Variants in STIL observed in about 807,000 individuals in gnomAD.
The protein encoded by STIL is SCL-interrupting locus protein.
In STIL, 55 loss-of-function variants were observed where a neutral mutation model predicts 110.1. That is an observed-to-expected ratio of 0.50 (90% confidence interval 0.40 to 0.63). The LOEUF (loss-of-function observed/expected upper bound fraction) is 0.63, where lower values mean the gene tolerates loss of function less well. Ranked by LOEUF, STIL falls within the 20% of genes least tolerant of loss-of-function variation. STIL has a pLI of 0.00. For synonymous variants in STIL, 481 were observed against 530.0 expected (o/e 0.91, Z 1.27); for missense variants, 1,358 against 1,530.0 (o/e 0.89, Z 1.87).
intron 11 of STIL, among the ~76,000 whole-genome samples, chr1:47,282,019 T>C (rs1645167940): frequency 6.6e-6 from 1 of 152,204 alleles, no homozygotes; most frequent in South Asian, 2.1e-4. Flanking sequence ...CCTCCTGAAA[T>C]AGAATCCCAG....
chr1:47,287,104 C>T lies in STIL; in HGVS notation c.1133+447G>A, dbSNP rs572571602. Among the ~76,000 whole-genome samples, 26 of 152,032 alleles carry T rather than the reference C, an allele frequency of 1.7e-4. No individual in the cohort carries two copies. The East Asian group carries it at 3.5e-3, about 21-fold the overall frequency. On this transcript the variant is annotated intron_variant, in intron 10 of 16. Coordinates refer to ENST00000371877, the MANE Select transcript of STIL (RefSeq NM_001048166.1). ...AGGGTTGGGGACGATGGTTCACACA[C>T]GTGATCCCAGCACTTTGGGAGGCCA...
intron 1 of STIL, 147 bp from the exon 2 acceptor site, chr1:47,310,509 T>G: frequency 1.8e-6 from 1 of 554,012 alleles, no homozygotes; most frequent in Non-Finnish European, 3.2e-6. Flanking sequence ...TTGTAGATTC[T>G]GCCAATCATT....
intron 14 of STIL, among the ~76,000 whole-genome samples, chr1:47,265,450 A>C (rs906192762): frequency 1.3e-5 from 2 of 151,512 alleles, no homozygotes; most frequent in Non-Finnish European, 2.9e-5. Flanking sequence ...GGAACCAGAC[A>C]CTGGGTCAAA....
At chr1:47,299,219 C>T (rs377121621) in intron 6 of STIL, among the ~76,000 whole-genome samples, 317 of 151,460 alleles carry the variant, frequency 2.1e-3, no homozygotes, top group African/African-American at 7.3e-3. Flanking sequence ...TAGTGGCATG[C>T]ACCTGTAATC....
At chr1:47,273,567 T>C (rs1262471121) in intron 12 of STIL, among the ~76,000 whole-genome samples, 2 of 152,258 alleles carry the variant, frequency 1.3e-5, no homozygotes, top group East Asian at 1.9e-4. Context: ...TTCCCTTGTA[T>C]GGATATATCA....
chr1:47,263,189 A>G (rs1408289393), intron 14 of STIL, 73 bp from the exon 15 acceptor site: 1 of 1,401,630 alleles, frequency 7.1e-7, no homozygotes, highest in African/African-American at 1.4e-5. Flanking sequence ...AACTTTAGAA[A>G]AAAGGGTTAA....
rs755308408 is a variant in STIL, at chr1:47,299,971, G to A, written c.635C>T (p.Thr212Ile). The A allele has an allele frequency of 5.0e-6, 8 of 1,614,010 alleles. No individual in the cohort carries two copies. The highest frequency in any genetic ancestry group is 1.3e-5 in the African/African-American group (1 of 74,922). The change falls in exon 6 of 17, where the codon ACA becomes ATA. Residue 212 changes from threonine (T) to isoleucine (I), a missense_variant. Thr to Ile is a moderately conservative substitution (Grantham distance 89, BLOSUM62 -1). Transcript: ENST00000371877. ...TPVKPIPIIP[T>I]ALARNLSSNL... is the part of the protein sequence containing the mutation. ...ACTGCTCAAGTTTCTTGCCAGAGCT[G>A]TTGGAATAATGGGGATGGGCTTCAC...
chr1:47,290,293 T>C (rs1442936146), intron 8 of STIL, among the ~76,000 whole-genome samples: 2 of 152,138 alleles, frequency 1.3e-5, no homozygotes, highest in African/African-American at 2.4e-5. Context: ...GGGAAAAATA[T>C]TGTTAAACTT....
chr1:47,295,482 AAGC>A (rs1453106282), intron 7 of STIL, among the ~76,000 whole-genome samples: 2 of 152,078 alleles, frequency 1.3e-5, no homozygotes, highest in African/African-American at 4.8e-5. Flanking sequence ...TAGGAGGCTG[AAGC>A]ACGAGAATCA....
At position 47,280,516 on chromosome 1, in the gene STIL, A is replaced by C. The variant is rs773321708; in HGVS notation, c.1942T>G (p.Cys648Gly). 9 of 1,614,148 alleles carry C rather than the reference A, an allele frequency of 5.6e-6. No homozygotes were observed. Among genetic ancestry groups the C allele is most frequent in the Non-Finnish European group, 5.9e-6 (7 of 1,180,062 alleles). ...QKHSLFHPSGCPALYCNAFCS... is the reference protein window; with the variant it reads ...QKHSLFHPSGGPALYCNAFCS... ...AATGCATTACAGTACAGGGCTGGAC[A>C]TCCACTTGGGTGAAATAATGAATGC... Residue 648 changes from cysteine to glycine, a missense_variant, in exon 12 of 17, where the codon TGT becomes GGT. Transcript: ENST00000371877.
intron 1 of STIL, among the ~76,000 whole-genome samples, chr1:47,312,062 G>A (rs1461732217): frequency 6.6e-6 from 1 of 152,058 alleles, no homozygotes; most frequent in African/African-American, 2.4e-5. Flanking sequence ...TGTGAAGCAA[G>A]ATAAAGGAGA....
chr1:47,261,627 C>T (rs929511861), intron 15 of STIL, among the ~76,000 whole-genome samples: 1 of 151,954 alleles, frequency 6.6e-6, no homozygotes, highest in South Asian at 2.1e-4. Context: ...GTGGTCCCAG[C>T]TACTTGAAAG....
rs1215549262 is a variant in STIL, at chr1:47,270,251, TATATACACAC to T, written c.2384-395_2384-386del. Among the ~76,000 whole-genome samples, 46 of 119,216 alleles carry T rather than the reference TATATACACAC, an allele frequency of 3.9e-4. No individual in the cohort carries two copies. In the South Asian group the frequency reaches 8.8e-3, roughly 23 times the overall value. The allele number at this position is 119,216 out of a possible 152,430, so 78.2% of individuals were successfully genotyped here. A position where few individuals can be genotyped will look rare whatever the true frequency, so the allele number is the denominator to read the frequency against. ...TCAAAAAAAAAAAAAAATATATATATATATACACACACACACACACACACACACACACACA... is the reference window on the plus strand; with the variant it reads ...TCAAAAAAAAAAAAAAATATATATATACACACACACACACACACACACACA... On this transcript the variant is annotated intron_variant, in intron 13 of 16. Coordinates refer to ENST00000371877, the MANE Select transcript of STIL (RefSeq NM_001048166.1).
At chr1:47,282,205 G>T in intron 11 of STIL, 140 bp downstream of exon 11, 1 of 628,680 alleles carries the variant, frequency 1.6e-6, no homozygotes, top group Non-Finnish European at 2.8e-6. Context: ...TCTATATATA[G>T]ATATAACCAT....
rs1356059668 is a variant in STIL, at chr1:47,268,512, T to C, written c.2615+1123A>G. 2.6e-5 allele frequency among the ~76,000 whole-genome samples: 4 copies of C among 152,188 alleles called. No homozygotes were observed. In the East Asian group the frequency reaches 7.7e-4, roughly 29 times the overall value. ...GCTCATGCCTGTAATTCCAGCACTT[T>C]AGGAGGTCAAGGTGGGTGGATCACC... On this transcript the variant is annotated intron_variant, in intron 14 of 16. Transcript: ENST00000371877.
At chr1:47,288,871 A>G (rs1482942281) in intron 9 of STIL, among the ~76,000 whole-genome samples, 2 of 138,504 alleles carry the variant, frequency 1.4e-5, no homozygotes, top group Non-Finnish European at 3.1e-5. Flanking sequence ...ACATGGTGAA[A>G]CTCCCTCTCT....
chr1:47,288,764 T>A (rs891560672), intron 9 of STIL, among the ~76,000 whole-genome samples: 1 of 150,904 alleles, frequency 6.6e-6, no homozygotes, highest in East Asian at 1.9e-4. Context: ...AATACAGTCA[T>A]GGTCAGGTGC....
chr1:47,299,470 G>A (rs1473799581), intron 6 of STIL, among the ~76,000 whole-genome samples: 3 of 144,264 alleles, frequency 2.1e-5, no homozygotes, highest in Admixed American at 7.1e-5. Context: ...TCAGCTCATT[G>A]CAACCTCCAC....
Position 47,251,214 on chromosome 1 carries a change from T to C in STIL, c.3789A>G (p.Leu1263=), listed in dbSNP as rs754469508. ...CTGAATTCATGCTATTCATCTGCTT[T>C]AGCGTTTCAGAAGGTTGCAAACTTT... is the stretch of plus-strand genomic sequence containing the variant. ...FPESLQPSET[L]KQMNSMNSVG... Residue 1263 remains leucine, a synonymous_variant, in exon 17 of 17, where the codon CTA becomes CTG. Transcript: ENST00000371877. The C allele has an allele frequency of 1.9e-6, 3 of 1,612,496 alleles. No individual in the cohort carries two copies. Among genetic ancestry groups the C allele is most frequent in the East Asian group, 2.2e-5 (1 of 44,878 alleles).
Sources: gnomAD v4.1 joint callset for allele counts (sites outside exome capture counted in the v4.1 genomes callset) on GRCh38, gnomAD v4.1.1 for gene constraint, MANE v1.5 for transcripts, NCBI Gene and HGNC (gene_info 2026-07-23, HGNC 2026-07-21) for gene names.